The following TAS2R16 variants were observed in gnomAD, a reference collection of about 807,000 sequenced individuals.
The protein encoded by TAS2R16 is taste receptor type 2 member 16.
Under a neutral mutation model 5.0 loss-of-function variants are expected in TAS2R16, and 5 were observed. The ratio of observed to expected loss-of-function variants is 1.00; its 90% confidence interval spans 0.52 to 2.11. The LOEUF (loss-of-function observed/expected upper bound fraction) is 2.11, where lower values mean the gene tolerates loss of function less well. TAS2R16 is among the 30% of genes most tolerant of loss of function. TAS2R16 has a pLI of 0.01. For synonymous variants in TAS2R16, 142 were observed against 123.3 expected (o/e 1.15, Z -1.00); for missense variants, 363 against 341.3 (o/e 1.06, Z -0.50).
In TAS2R16 at chr7:122,995,063, A is replaced by G. The variant is rs1416163258; in HGVS notation, c.572T>C (p.Leu191Pro). 11 of 1,613,922 alleles carry G rather than the reference A, an allele frequency of 6.8e-6. No homozygotes were observed. The highest frequency in any genetic ancestry group is 9.3e-6 in the Non-Finnish European group (11 of 1,179,894). The change falls in exon 1 of 1, where the codon CTG becomes CCG. Residue 191 changes from leucine (L) to proline (P), a missense_variant. By Grantham distance (98) the Leu-to-Pro change is moderately conservative (BLOSUM62 -3). Coordinates refer to ENST00000249284, the MANE Select transcript of TAS2R16 (RefSeq NM_016945.3). ...HTVALVIPFILFLASTIFLMA... is the reference protein window; with the variant it reads ...HTVALVIPFIPFLASTIFLMA... ...GAGAAAGATGGTGGAGGCCAGGAAC[A>G]GGATGAAAGGAATAACCAATGCAAC...
At position 122,995,589 on chromosome 7, in the gene TAS2R16, G is replaced by A; in HGVS notation, c.46C>T (p.Leu16Phe). The A allele has an allele frequency of 6.3e-7, 1 of 1,585,562 alleles. No individual in the cohort carries two copies. Among genetic ancestry groups the A allele is most frequent in the Non-Finnish European group, 8.6e-7 (1 of 1,167,108 alleles). ...LTVFFMIIYV[L>F]ESLTIIVQSS... ...TGCACAATAATTGTCAAGGACTCAA[G>A]CACATAGATGATCATGAAGAAGACA... The change falls in exon 1 of 1, where the codon CTT becomes TTT. Residue 16 changes from leucine to phenylalanine, a missense_variant. By Grantham distance (22) the Leu-to-Phe change is conservative. Transcript: ENST00000249284.
rs756177778 is a variant in TAS2R16, at chr7:122,995,360, G to T, written c.275C>A (p.Thr92Lys). 6.2e-6 allele frequency: 10 copies of T among 1,613,478 alleles called. No individual in the cohort carries two copies. The highest frequency in any genetic ancestry group is 8.5e-6 in the Non-Finnish European group (10 of 1,179,844). The change falls in exon 1 of 1, where the codon ACA becomes AAA. Residue 92 changes from threonine to lysine, a missense_variant. Thr to Lys is a moderately conservative substitution (Grantham distance 78). Coordinates refer to ENST00000249284, the MANE Select transcript of TAS2R16 (RefSeq NM_016945.3). ...TITWEFFNIL[T>K]FWLNSLLTVF... ...GGTAAGCAAGCTGTTTAACCAGAATGTAAGGATATTAAAAAATTCCCAGGT... is the reference window on the plus strand; with the variant it reads ...GGTAAGCAAGCTGTTTAACCAGAATTTAAGGATATTAAAAAATTCCCAGGT...
At position 122,995,642 on chromosome 7, in the gene TAS2R16, C is replaced by A; in HGVS notation, c.-8G>T. 1.3e-6 allele frequency: 2 copies of A among 1,527,956 alleles called. No individual in the cohort carries two copies. The highest frequency in any genetic ancestry group is 1.8e-4 in the Middle Eastern group (1 of 5,642). The allele number at this position is 1,527,956 out of a possible 1,614,324, so 94.6% of individuals were successfully genotyped here. A position where few individuals can be genotyped will look rare whatever the true frequency, so the allele number is the denominator to read the frequency against. Reference sequence around the variant, plus strand: ...GAGTTGGATGGGTATCATTCTTCTACTCCAAAGTGTCTTCCTGGACAAAGA... The same window carrying A: ...GAGTTGGATGGGTATCATTCTTCTAATCCAAAGTGTCTTCCTGGACAAAGA... On this transcript the variant is annotated 5_prime_UTR_variant, in exon 1 of 1. Transcript: ENST00000249284.
In TAS2R16 at chr7:122,994,960, G is replaced by A. The variant is rs774347967; in HGVS notation, c.675C>T (p.Ala225=). Residue 225 remains alanine, a synonymous_variant, in exon 1 of 1, where the codon GCC becomes GCT. Transcript: ENST00000249284. ...TAAATAAGACGGCAAGGGACCTCAGGGCAGTGAAGCGCGCTTTCATGCTTG... is the reference window on the plus strand; with the variant it reads ...TAAATAAGACGGCAAGGGACCTCAGAGCAGTGAAGCGCGCTTTCATGCTTG... ...CNPSMKARFT[A]LRSLAVLFIV... 17 of 1,613,670 alleles carry A rather than the reference G, an allele frequency of 1.1e-5. No homozygotes were observed. In the Admixed American group the frequency reaches 2.7e-4, roughly 25 times the overall value.
At chr7:122,995,331 AC>A in the TAS2R16 span, 1 of 1,613,732 alleles carries the variant, frequency 6.2e-7, no homozygotes, top group Admixed American at 1.7e-5. Context: ...ATGCAGTAGA[AC>A]ACGGTAAGCA....
At position 122,994,873 on chromosome 7, in the gene TAS2R16, C is replaced by A; in HGVS notation, c.762G>T (p.Lys254Asn). Reference protein sequence around the residue: ...LITIIGTLFDKRCWLWVWEAF... With the variant: ...LITIIGTLFDNRCWLWVWEAF... ...CTTCCCAGACCCATAACCAACATCT[C>A]TTATCAAATAGAGTACCTATAATGG... Residue 254 changes from lysine (K) to asparagine (N), a missense_variant, in exon 1 of 1, where the codon AAG (lysine) becomes AAT (asparagine). Lys to Asn is a moderately conservative substitution (Grantham distance 94, BLOSUM62 0). Coordinates refer to ENST00000249284, the MANE Select transcript of TAS2R16 (RefSeq NM_016945.3). 6.2e-7 allele frequency: 1 copy of A among 1,613,620 alleles called. No individual in the cohort carries two copies. Among genetic ancestry groups the A allele is most frequent in the Non-Finnish European group, 8.5e-7 (1 of 1,179,752 alleles).
rs1404206264 is a variant in TAS2R16 at position 122,994,836 on chromosome 7, CATA to C, written c.796_798del (p.Tyr266del). 3.1e-6 allele frequency: 5 copies of C among 1,612,548 alleles called. No homozygotes were observed. In the South Asian group the frequency reaches 5.5e-5, roughly 18 times the overall value. ...GAAGTGGAATGCATTAAGATGAAAG[CATA>C]GACAAAAGCTTCCCAGACCCATAAC... On this transcript the variant is annotated inframe_deletion, in exon 1 of 1. Transcript: ENST00000249284.
Position 122,995,667 on chromosome 7 carries a change from ACT to A in TAS2R16, c.-35_-34del, listed in dbSNP as rs775130671. ...CTCCAAAGTGTCTTCCTGGACAAAG[ACT>A]CTGAATCTCTGTACCAATTTCCAGG... On this transcript the variant is annotated 5_prime_UTR_variant, in exon 1 of 1. Coordinates refer to ENST00000249284, the MANE Select transcript of TAS2R16 (RefSeq NM_016945.3). The A allele has an allele frequency of 1.5e-5, 23 of 1,506,586 alleles. No homozygotes were observed. Among genetic ancestry groups the A allele is most frequent in the East Asian group, 2.3e-5 (1 of 43,134 alleles). The allele number at this position is 1,506,586 out of a possible 1,614,324, so 93.3% of individuals were successfully genotyped here.
the TAS2R16 span, chr7:122,995,322 TG>T: frequency 1.9e-6 from 3 of 1,613,592 alleles, no homozygotes; most frequent in Non-Finnish European, 2.5e-6. Context: ...GAGACCTTGA[TG>T]CAGTAGAACA....
the TAS2R16 span, chr7:122,994,930 CA>C: frequency 6.2e-7 from 1 of 1,613,518 alleles, no homozygotes; most frequent in Admixed American, 1.7e-5. Flanking sequence ...AAGAGGTAAA[CA>C]CAATAAATAA....
rs756158695 is a variant in TAS2R16, at chr7:122,995,282, A to G, written c.353T>C (p.Leu118Pro). The G allele has an allele frequency of 1.9e-6, 3 of 1,613,772 alleles. No individual in the cohort carries two copies. The highest frequency in any genetic ancestry group is 1.1e-5 in the South Asian group (1 of 91,082). ...SSFTHHIFLW[L>P]RWRILRLFPW... ...AAACAACCTCAAAATTCTCCACCTC[A>G]GCCAGAGAAAGATGTGATGGGTGAA... The change falls in exon 1 of 1, where the codon CTG becomes CCG. Residue 118 changes from leucine (L) to proline (P), a missense_variant. Physicochemically the swap from Leu to Pro is moderately conservative, Grantham distance 98. Coordinates refer to ENST00000249284, the MANE Select transcript of TAS2R16 (RefSeq NM_016945.3).
At position 122,995,139 on chromosome 7, in the gene TAS2R16, C is replaced by T. The variant is rs1387396462; in HGVS notation, c.496G>A (p.Val166Ile). 4 of 1,613,732 alleles carry T rather than the reference C, an allele frequency of 2.5e-6. No individual in the cohort carries two copies. The highest frequency in any genetic ancestry group is 3.4e-6 in the Non-Finnish European group (4 of 1,179,904). The part of the protein sequence containing the change: ...TMEHLPRNST[V>I]TDKLENFHQY... ...TGAAAATTTTCAAGTTTGTCAGTTA[C>T]AGTGCTGTTTCTTGGTAGATGCTCC... is the stretch of plus-strand genomic sequence containing the variant. The change falls in exon 1 of 1, where the codon GTA (valine) becomes ATA (isoleucine). Residue 166 changes from valine (V) to isoleucine (I), a missense_variant. Transcript: ENST00000249284.
rs781403436 is a variant in TAS2R16 at position 122,995,155 on chromosome 7, T to C, written c.480A>G (p.Leu160=). ...IQIQLLTMEH[L]PRNSTVTDKL... ...TGTCAGTTACAGTGCTGTTTCTTGG[T>C]AGATGCTCCATGGTGAGTAACTGAA... Residue 160 remains leucine, a synonymous_variant, in exon 1 of 1, where the codon CTA becomes CTG. Transcript: ENST00000249284. 1.2e-6 allele frequency: 2 copies of C among 1,613,844 alleles called. No individual in the cohort carries two copies. Among genetic ancestry groups the C allele is most frequent in the South Asian group, 2.2e-5 (2 of 91,072 alleles).
chr7:122,994,781 C>A lies in TAS2R16; in HGVS notation c.854G>T (p.Arg285Met), dbSNP rs1825945027. ...SLMLSSPTLK[R>M]ILKGKC ...GGCCTAGCACTTTCCCTTTAGAATC[C>A]TTTTCAACGTAGGGCTGCTCAGCAT... is the stretch of plus-strand genomic sequence containing the variant. The change falls in exon 1 of 1, where the codon AGG becomes ATG. Residue 285 changes from arginine (R) to methionine (M), a missense_variant. Coordinates refer to ENST00000249284, the MANE Select transcript of TAS2R16 (RefSeq NM_016945.3). 5 of 1,577,958 alleles carry A rather than the reference C, an allele frequency of 3.2e-6. No homozygotes were observed. Among genetic ancestry groups the A allele is most frequent in the Admixed American group, 3.7e-5 (2 of 53,828 alleles).
chr7:122,995,497 G>A lies in TAS2R16; in HGVS notation c.138C>T (p.Asp46=), dbSNP rs1825959738. 1.2e-6 allele frequency: 2 copies of A among 1,613,760 alleles called. No homozygotes were observed. Among genetic ancestry groups the A allele is most frequent in the Non-Finnish European group, 1.7e-6 (2 of 1,179,816 alleles). ...AGATGCCCAGGCTGATGAGAATCAT[G>A]TCCACAGGCATCAGCCTTCTGACTT... ...WLQVRRLMPV[D]MILISLGISR... is the part of the protein sequence containing the mutation. The change falls in exon 1 of 1, where the codon GAC becomes GAT. Residue 46 remains aspartate (D), a synonymous_variant. Transcript: ENST00000249284.
rs1473898001 is a variant in TAS2R16, at chr7:122,994,874, T to C, written c.761A>G (p.Lys254Arg). The C allele has an allele frequency of 2.5e-6, 4 of 1,613,486 alleles. No individual in the cohort carries two copies. In the Admixed American group the frequency reaches 6.7e-5, roughly 27 times the overall value. The change falls in exon 1 of 1, where the codon AAG (lysine) becomes AGG (arginine). Residue 254 changes from lysine (K) to arginine (R), a missense_variant. Physicochemically the swap from Lys to Arg is conservative, Grantham distance 26. Transcript: ENST00000249284. ...LITIIGTLFDKRCWLWVWEAF... is the reference protein window; with the variant it reads ...LITIIGTLFDRRCWLWVWEAF... ...TTCCCAGACCCATAACCAACATCTC[T>C]TATCAAATAGAGTACCTATAATGGT...
In TAS2R16 at chr7:122,995,640, T is replaced by C. The variant is rs765344095; in HGVS notation, c.-6A>G. ...GTGAGTTGGATGGGTATCATTCTTC[T>C]ACTCCAAAGTGTCTTCCTGGACAAA... is the stretch of plus-strand genomic sequence containing the variant. On this transcript the variant is annotated 5_prime_UTR_variant, in exon 1 of 1. Transcript: ENST00000249284. 11 of 1,529,470 alleles carry C rather than the reference T, an allele frequency of 7.2e-6. No individual in the cohort carries two copies. The highest frequency in any genetic ancestry group is 3.5e-4 in the Middle Eastern group (2 of 5,658). 94.7% of individuals were successfully genotyped at this position (1,529,470 alleles called of 1,614,324 possible). A position where few individuals can be genotyped will look rare whatever the true frequency, so the allele number is the denominator to read the frequency against.
In TAS2R16 at chr7:122,995,541, G is replaced by A. The variant is rs773028461; in HGVS notation, c.94C>T (p.Leu32=). The A allele has an allele frequency of 6.2e-7, 1 of 1,613,054 alleles. No homozygotes were observed. The highest frequency in any genetic ancestry group is 8.5e-7 in the Non-Finnish European group (1 of 1,179,582). ...CTGACTTGCAGCCATTCTCTGCCCA[G>A]CACTGCAACAATTAGGCTGCTCTGC... The part of the protein sequence containing the change: ...IVQSSLIVAV[L]GREWLQVRRL... Residue 32 remains leucine, a synonymous_variant, in exon 1 of 1, where the codon CTG becomes TTG. Coordinates refer to ENST00000249284, the MANE Select transcript of TAS2R16 (RefSeq NM_016945.3).
rs756656970 is a variant in TAS2R16, at chr7:122,995,673, A to G, written c.-39T>C. On this transcript the variant is annotated 5_prime_UTR_variant, in exon 1 of 1. Transcript: ENST00000249284. ...AGTGTCTTCCTGGACAAAGACTCTG[A>G]ATCTCTGTACCAATTTCCAGGTAGA... 6.6e-6 allele frequency: 10 copies of G among 1,505,242 alleles called. No homozygotes were observed. The highest frequency in any genetic ancestry group is 8.9e-6 in the Non-Finnish European group (10 of 1,129,374). 93.2% of individuals were successfully genotyped at this position (1,505,242 alleles called of 1,614,324 possible).
Sources: gnomAD v4.1 joint callset for allele counts on GRCh38, gnomAD v4.1.1 for gene constraint, MANE v1.5 for transcripts, NCBI Gene and HGNC (gene_info 2026-07-23, HGNC 2026-07-21) for gene names.